RTL4: variants seen among roughly 807,000 people sequenced by gnomAD.
RTL4 encodes retrotransposon Gag like 4.
A neutral mutation model predicts 5.3 loss-of-function variants in RTL4; 4 were observed. The observed-to-expected ratio is 0.75, with a 90% CI of 0.37 to 1.72. The LOEUF is 1.72. Ranked by LOEUF, RTL4 falls within the 40% of genes most tolerant of loss-of-function variation. RTL4 has a pLI of 0.04. For synonymous variants in RTL4, 98 were observed against 87.3 expected (o/e 1.12, Z -0.68); for missense variants, 260 against 227.1 (o/e 1.14, Z -0.93).
the RTL4 span, among the ~76,000 whole-genome samples, chrX:112,404,650 C>T: frequency 8.9e-6 from 1 of 112,516 alleles, no homozygotes; most frequent in African/African-American, 3.2e-5. Flanking sequence ...TCACCTAAAT[C>T]TGCCACATCA....
chrX:112,200,011 C>T, the RTL4 span, among the ~76,000 whole-genome samples: 2 of 112,065 alleles, frequency 1.8e-5, no homozygotes, highest in African/African-American at 3.2e-5. Flanking sequence ...CTCTTCTATG[C>T]GTTTTATATA....
the RTL4 span, among the ~76,000 whole-genome samples, chrX:112,103,752 TTTA>T: frequency 2.7e-5 from 3 of 110,688 alleles, no homozygotes; most frequent in Non-Finnish European, 5.7e-5. Flanking sequence ...TTTATTATTA[TTTA>T]TTATTTATTT....
chrX:112,390,157 A>ATATATATATATG, the RTL4 span, among the ~76,000 whole-genome samples: 1 of 51,974 alleles, frequency 1.9e-5, no homozygotes, highest in Admixed American at 2.6e-4. Context: ...ATATATATAT[A>ATATATATATATG]TATTTAGGAT....
At chrX:112,309,900 A>ATGTG in the RTL4 span, among the ~76,000 whole-genome samples, 2 of 103,661 alleles carry the variant, frequency 1.9e-5, no homozygotes, top group Admixed American at 2.2e-4. Context: ...ACACACATAT[A>ATGTG]TGTGTGTGTG....
the RTL4 span, among the ~76,000 whole-genome samples, chrX:112,429,168 T>G: frequency 8.9e-5 from 10 of 111,766 alleles, no homozygotes; most frequent in Non-Finnish European, 1.9e-4. Flanking sequence ...ATGGTTGGAT[T>G]AATATCTACT....
the RTL4 span, among the ~76,000 whole-genome samples, chrX:112,403,376 G>C: frequency 8.9e-6 from 1 of 111,966 alleles, no homozygotes; most frequent in African/African-American, 3.2e-5. Flanking sequence ...AGAAGGTATT[G>C]GTCATCTCTT....
At chrX:112,192,815 TTGTATTTACCTA>T in the RTL4 span, among the ~76,000 whole-genome samples, 1 of 111,947 alleles carries the variant, frequency 8.9e-6, no homozygotes, top group East Asian at 2.8e-4. Flanking sequence ...ATACTATCTT[TTGTATTTACCTA>T]TGTATTTACC....
chrX:112,374,127 A>G, the RTL4 span, among the ~76,000 whole-genome samples: 40 of 111,532 alleles, frequency 3.6e-4, 1 homozygote, highest in South Asian at 0.015. Context: ...TTCTCATATT[A>G]TCTTTTAGAA....
the RTL4 span, among the ~76,000 whole-genome samples, chrX:112,109,578 G>C: frequency 2.8e-4 from 31 of 111,920 alleles, 1 homozygote; most frequent in Middle Eastern, 0.018. Flanking sequence ...AGTGCTGATT[G>C]GTGCTTTTTT....
the RTL4 span, among the ~76,000 whole-genome samples, chrX:112,175,373 A>C: frequency 9.4e-6 from 1 of 106,318 alleles, no homozygotes; most frequent in Non-Finnish European, 1.9e-5. Flanking sequence ...CAGGTTTGTC[A>C]AAGATCAGAT....
the RTL4 span, among the ~76,000 whole-genome samples, chrX:112,087,261 G>T: frequency 9.1e-6 from 1 of 109,648 alleles, no homozygotes; most frequent in Non-Finnish European, 1.9e-5. Context: ...ATCCCTCATG[G>T]AATGATATAA....
At chrX:112,439,746 T>C in the RTL4 span, among the ~76,000 whole-genome samples, 1 of 111,125 alleles carries the variant, frequency 9.0e-6, no homozygotes, top group Non-Finnish European at 1.9e-5. Flanking sequence ...CTGTGAGATC[T>C]AATTGTTAAA....
the RTL4 span, among the ~76,000 whole-genome samples, chrX:112,314,717 G>T: frequency 9.1e-6 from 1 of 110,261 alleles, no homozygotes; most frequent in African/African-American, 3.3e-5. Context: ...TCATCAACGT[G>T]CTCTTTAGAA....
chrX:112,353,237 ATTGTAAACTCG>A, the RTL4 span, among the ~76,000 whole-genome samples: 3 of 111,713 alleles, frequency 2.7e-5, no homozygotes, highest in African/African-American at 9.8e-5. Context: ...TGTTGGTGGG[ATTGTAAACTCG>A]TTCAACCATC....
exon 1 of RTL4, chrX:112,456,295 C>A: frequency 3.2e-6 from 1 of 308,737 alleles, no homozygotes; most frequent in East Asian, 4.8e-5. Flanking sequence ...AAGACTCATG[C>A]TTTCCCAACA....
chrX:112,352,893 G>A, the RTL4 span, among the ~76,000 whole-genome samples: 192 of 111,061 alleles, frequency 1.7e-3, no homozygotes, highest in African/African-American at 6.0e-3. Context: ...AGTGATCAGG[G>A]AACCTACAAA....
At chrX:112,150,834 A>G in the RTL4 span, among the ~76,000 whole-genome samples, 1 of 112,216 alleles carries the variant, frequency 8.9e-6, no homozygotes, top group Non-Finnish European at 1.9e-5. Flanking sequence ...CTATGAGAGG[A>G]AATAGTAGAG....
the RTL4 span, among the ~76,000 whole-genome samples, chrX:112,259,813 G>A: frequency 1.8e-5 from 2 of 111,742 alleles, no homozygotes; most frequent in African/African-American, 6.5e-5. Context: ...TGTCCAGATT[G>A]CCTAATAAAA....
At chrX:112,294,188 G>T in the RTL4 span, among the ~76,000 whole-genome samples, 1 of 111,831 alleles carries the variant, frequency 8.9e-6, no homozygotes, top group Non-Finnish European at 1.9e-5. Flanking sequence ...GATGAATTTT[G>T]TACTAATTGC....
Sources: allele counts gnomAD v4.1 joint callset (sites outside exome capture counted in the v4.1 genomes callset), GRCh38; gene constraint gnomAD v4.1.1; transcripts MANE v1.5; gene names NCBI Gene and HGNC (gene_info 2026-07-23, HGNC 2026-07-21).